IQCH: variants seen among roughly 807,000 people sequenced by gnomAD.
The protein encoded by IQCH is IQ motif containing H.
IQCH carries 98 observed loss-of-function variants against 117.0 expected under a neutral mutation model. The ratio of observed to expected loss-of-function variants is 0.84; its 90% CI spans 0.71 to 0.99. The LOEUF (loss-of-function observed/expected upper bound fraction) is 0.99, where lower values mean the gene tolerates loss of function less well. IQCH is among the 50% of genes least tolerant of loss of function. The probability of loss-of-function intolerance (pLI) is 0.00; values close to 1 mark genes in which losing one functional copy is unlikely to be tolerated. For synonymous variants in IQCH, 412 were observed against 448.2 expected (o/e 0.92, Z 1.02); for missense variants, 1,102 against 1,243.8 (o/e 0.89, Z 1.72).
chr15:67,461,647 G>T (rs1011561566), intron 16 of IQCH, among the ~76,000 whole-genome samples: 1 of 152,216 alleles, frequency 6.6e-6, no homozygotes, highest in Non-Finnish European at 1.5e-5. Context: ...AGAACCAAGG[G>T]GTTAGGGCAG....
In IQCH at chr15:67,475,698, G is replaced by T. The variant is rs146237345; in HGVS notation, c.2679G>T (p.Met893Ile). The T allele has an allele frequency of 2.5e-6, 4 of 1,613,528 alleles. No individual in the cohort carries two copies. Among genetic ancestry groups the T allele is most frequent in the African/African-American group, 1.3e-5 (1 of 74,860 alleles). The change falls in exon 18 of 21, where the codon ATG (methionine) becomes ATT (isoleucine). Residue 893 changes from methionine to isoleucine, a missense_variant and splice_region_variant. Physicochemically the swap from Met to Ile is conservative, Grantham distance 10. Transcript: ENST00000335894. The surrounding 1 kb of genome is among the most constrained non-coding windows in gnomAD (Gnocchi z 5.7). ...TATTCAGTTGTGCTCCTTTCCAGAT[G>T]CTGGCAACCAGTCGCTATGCAGTGA... ...TKCMSALSMP[M>I]LATSRYAVMT...
intron 3 of IQCH, among the ~76,000 whole-genome samples, chr15:67,268,013 A>G (rs1965747412): frequency 6.6e-6 from 1 of 152,200 alleles, no homozygotes; most frequent in South Asian, 2.1e-4. Context: ...AGATGAGGAA[A>G]CTGAGGCTCA....
At chr15:67,421,677 G>T in intron 16 of IQCH, 100 bp downstream of exon 16, 1 of 1,199,454 alleles carries the variant, frequency 8.3e-7, no homozygotes. Flanking sequence ...CTTCTAAAAT[G>T]CACTGATTCT....
At chr15:67,482,339 G>A (rs886490818) in intron 18 of IQCH, among the ~76,000 whole-genome samples, 2 of 152,156 alleles carry the variant, frequency 1.3e-5, no homozygotes, top group African/African-American at 4.8e-5. Flanking sequence ...AGTATTTATT[G>A]CAGTTACCCA....
rs1293215650 is a variant in IQCH at position 67,357,357 on chromosome 15, T to G, written c.650T>G (p.Ile217Arg). The G allele has an allele frequency of 6.2e-7, 1 of 1,608,282 alleles. No individual in the cohort carries two copies. The highest frequency in any genetic ancestry group is 1.3e-5 in the African/African-American group (1 of 74,928). The part of the protein sequence containing the change: ...RKIPTVATFT[I>R]PREPPPSPAE... ...TCTTCATCCACAGCCACTTTCACTA[T>G]ACCTCGGGAACCACCTCCATCTCCA... Residue 217 changes from isoleucine to arginine, a missense_variant, in exon 7 of 21, where the codon ATA (isoleucine) becomes AGA (arginine). By Grantham distance (97) the Ile-to-Arg change is moderately conservative. Coordinates refer to ENST00000335894, the MANE Select transcript of IQCH (RefSeq NM_001031715.3).
Position 67,387,042 on chromosome 15 carries a change from A to G in IQCH, c.1457-1789A>G, listed in dbSNP as rs940066954. Among the ~76,000 whole-genome samples, 6 of 152,062 alleles carry G rather than the reference A, an allele frequency of 3.9e-5. No individual in the cohort carries two copies. Among genetic ancestry groups the G allele is most frequent in the Admixed American group, 1.3e-4 (2 of 15,254 alleles). ...TTGTTTTTCTGCCCTATTCTTTCATACTTAAAAAAAACTCATTAGTTTGAT... is the reference window on the plus strand; with the variant it reads ...TTGTTTTTCTGCCCTATTCTTTCATGCTTAAAAAAAACTCATTAGTTTGAT... On this transcript the variant is annotated intron_variant, in intron 11 of 20. Coordinates refer to ENST00000335894, the MANE Select transcript of IQCH (RefSeq NM_001031715.3). The surrounding 1 kb of genome is among the most constrained non-coding windows in gnomAD (Gnocchi z 4.8).
chr15:67,452,422 G>A (rs1286181607), intron 16 of IQCH, among the ~76,000 whole-genome samples: 4 of 152,130 alleles, frequency 2.6e-5, no homozygotes, highest in Non-Finnish European at 5.9e-5. Flanking sequence ...CTGGCCTGGT[G>A]GTGACAGAAT....
At chr15:67,271,169 C>T (rs1965883029) in intron 3 of IQCH, among the ~76,000 whole-genome samples, 1 of 152,172 alleles carries the variant, frequency 6.6e-6, no homozygotes, top group Non-Finnish European at 1.5e-5. Context: ...AGGGTTTCAC[C>T]ATGCTGGGCA....
rs772240919 is a variant in IQCH, at chr15:67,416,889, G to T, written c.2098-42G>T. The T allele has an allele frequency of 6.6e-7, 1 of 1,515,496 alleles. No individual in the cohort carries two copies. Among genetic ancestry groups the T allele is most frequent in the Non-Finnish European group, 8.8e-7 (1 of 1,130,796 alleles). 93.9% of individuals were successfully genotyped at this position (1,515,496 alleles called of 1,614,324 possible). A position where few individuals can be genotyped will look rare whatever the true frequency, so the allele number is the denominator to read the frequency against. On this transcript the variant is annotated intron_variant, in intron 14 of 20. Coordinates refer to ENST00000335894, the MANE Select transcript of IQCH (RefSeq NM_001031715.3). This position sits in a 1 kb window ranked among gnomAD's most constrained non-coding sequence, Gnocchi z 5.1. ...CACTCCACAAGCAGTTTTCATTTCT[G>T]TAGTAAAATTGCTTGTGGTTCTATT...
intron 4 of IQCH, among the ~76,000 whole-genome samples, chr15:67,294,641 C>G (rs1409907117): frequency 6.6e-6 from 1 of 152,186 alleles, no homozygotes; most frequent in African/African-American, 2.4e-5. Context: ...GGATGACAAG[C>G]ATGGACAAAA....
rs1970570193 is a variant in IQCH, at chr15:67,372,374, A to T, written c.1017A>T (p.Arg339Ser). ...PEFELTNKLTRYDLLSVLEDP... is the reference protein window; with the variant it reads ...PEFELTNKLTSYDLLSVLEDP... Reference sequence around the variant, plus strand: ...TTGAGCTGACGAATAAACTTACCAGATATGACCTTCTCTCAGTGTTAGAGG... The same window carrying T: ...TTGAGCTGACGAATAAACTTACCAGTTATGACCTTCTCTCAGTGTTAGAGG... The change falls in exon 9 of 21, where the codon AGA becomes AGT. Residue 339 changes from arginine to serine, a missense_variant. Physicochemically the swap from Arg to Ser is moderately radical, Grantham distance 110. Around this residue, in one of 2 missense-constraint regions of IQCH, gnomAD observed 452 missense variants for 449.6 expected, o/e 1.01. Coordinates refer to ENST00000335894, the MANE Select transcript of IQCH (RefSeq NM_001031715.3). The T allele has an allele frequency of 6.2e-7, 1 of 1,614,048 alleles. No homozygotes were observed. Among genetic ancestry groups the T allele is most frequent in the Admixed American group, 1.7e-5 (1 of 59,996 alleles).
intron 18 of IQCH, among the ~76,000 whole-genome samples, chr15:67,488,816 G>C (rs1430975472): frequency 6.6e-6 from 1 of 152,118 alleles, no homozygotes; most frequent in Non-Finnish European, 1.5e-5. Flanking sequence ...TGCCACCGCT[G>C]ATCTGACAGG....
Position 67,445,440 on chromosome 15 carries a change from G to GT in IQCH, c.2506-19680dup, listed in dbSNP as rs933038636. 6.8e-6 allele frequency among the ~76,000 whole-genome samples: 1 copy of GT among 146,548 alleles called. No individual in the cohort carries two copies. Among genetic ancestry groups the GT allele is most frequent in the African/African-American group, 2.5e-5 (1 of 40,082 alleles). ...CCCCAGAGTACCTACCTCATGTCTG[G>GT]TTTTTTTGTTTGTTTTTGAGATGGA... is the stretch of plus-strand genomic sequence containing the variant. On this transcript the variant is annotated intron_variant, in intron 16 of 20. Transcript: ENST00000335894. The surrounding 1 kb of genome is among the most constrained non-coding windows in gnomAD (Gnocchi z 4.3).
chr15:67,389,373 C>T (rs1208943426), intron 12 of IQCH, among the ~76,000 whole-genome samples: 1 of 152,008 alleles, frequency 6.6e-6, no homozygotes, highest in African/African-American at 2.4e-5. Flanking sequence ...AGAACTAGAC[C>T]AGGCCCTCTC....
In IQCH at chr15:67,491,256, C is replaced by T. The variant is rs2083646640; in HGVS notation, c.2861+1192C>T. On this transcript the variant is annotated intron_variant, in intron 19 of 20. Coordinates refer to ENST00000335894, the MANE Select transcript of IQCH (RefSeq NM_001031715.3). This position sits in a 1 kb window ranked among gnomAD's most constrained non-coding sequence, Gnocchi z 4.9. ...TCCCGGAAACTGATCCAAAGAGGTGCACACTACAAGCAAATGGCTGCATAG... is the reference window on the plus strand; with the variant it reads ...TCCCGGAAACTGATCCAAAGAGGTGTACACTACAAGCAAATGGCTGCATAG... Among the ~76,000 whole-genome samples, 1 of 152,134 alleles carries T rather than the reference C, an allele frequency of 6.6e-6. No homozygotes were observed.
At chr15:67,307,958 C>T (rs1396274429) in intron 4 of IQCH, among the ~76,000 whole-genome samples, 1 of 152,118 alleles carries the variant, frequency 6.6e-6, no homozygotes, top group Non-Finnish European at 1.5e-5. Context: ...TGTCATTTCA[C>T]CAGGTAGGGG....
intron 17 of IQCH, among the ~76,000 whole-genome samples, chr15:67,468,465 G>A (rs550005230): frequency 6.6e-6 from 1 of 152,260 alleles, no homozygotes; most frequent in East Asian, 1.9e-4. Flanking sequence ...TTCTTTGAAG[G>A]CACACATTTC....
intron 6 of IQCH, among the ~76,000 whole-genome samples, chr15:67,347,900 T>G (rs11639194): frequency 0.33 from 47,835 of 147,140 alleles, 8,367 homozygotes; most frequent in African/African-American, 0.46. Context: ...TTTATATATA[T>G]AGAGAGAGAT....
intron 15 of IQCH, among the ~76,000 whole-genome samples, chr15:67,418,908 G>A (rs955556132): frequency 5.3e-5 from 8 of 151,080 alleles, no homozygotes; most frequent in South Asian, 2.1e-4. Flanking sequence ...TTAAGTTATC[G>A]GGGGAAGACC....
Sources: allele counts gnomAD v4.1 joint callset (sites outside exome capture counted in the v4.1 genomes callset), GRCh38; gene constraint gnomAD v4.1.1; regional missense constraint gnomAD v4.1.1; non-coding constraint Gnocchi (gnomAD v3.1); transcripts MANE v1.5; gene names NCBI Gene and HGNC (gene_info 2026-07-23, HGNC 2026-07-21).